The following SLC8A3 variants were observed in gnomAD, a reference collection of about 807,000 sequenced individuals.
SLC8A3 encodes sodium/calcium exchanger 3.
A neutral mutation model predicts 65.4 loss-of-function variants in SLC8A3; 37 were observed. That is an observed-to-expected ratio of 0.57 (90% CI 0.44 to 0.74). The LOEUF is 0.74. Ranked by LOEUF, SLC8A3 falls within the 30% of genes least tolerant of loss-of-function variation. The pLI, the probability that SLC8A3 is intolerant of heterozygous loss-of-function variation, is 0.00. For missense variants in SLC8A3, 1,112 were observed against 1,172.1 expected, an observed-to-expected ratio of 0.95 and a Z score of 0.75; for synonymous variants, 461 against 444.5, an observed-to-expected ratio of 1.04 and a Z score of -0.47.
At chr14:70,071,755 C>T (rs762793959) in intron 2 of SLC8A3, among the ~76,000 whole-genome samples, 1 of 152,162 alleles carries the variant, frequency 6.6e-6, no homozygotes, top group East Asian at 1.9e-4. Context: ...TTGCTTTAAG[C>T]CTCTACGTTT....
intron 2 of SLC8A3, 150 bp downstream of exon 2, chr14:70,166,489 G>T: frequency 1.7e-6 from 1 of 593,826 alleles, no homozygotes. Context: ...CCTGTCCAGT[G>T]GTGTCTGCTG....
chr14:70,130,406 G>A (rs529267280), intron 2 of SLC8A3, among the ~76,000 whole-genome samples: 19 of 152,318 alleles, frequency 1.2e-4, no homozygotes, highest in African/African-American at 2.2e-4. Context: ...GTGCATGCAC[G>A]TGTGTGTGCA....
intron 2 of SLC8A3, chr14:70,080,247 C>G: frequency 1.0e-6 from 1 of 985,172 alleles, no homozygotes; most frequent in Non-Finnish European, 1.2e-6. Flanking sequence ...TTTTTTTATA[C>G]CACTGTGTTG....
At chr14:70,110,901 C>T (rs1041467054) in intron 2 of SLC8A3, among the ~76,000 whole-genome samples, 3 of 151,666 alleles carry the variant, frequency 2.0e-5, no homozygotes, top group African/African-American at 4.8e-5. Context: ...AAGATGGTCT[C>T]GATCTCCTGA....
At chr14:70,086,121 G>A (rs1211160783) in intron 2 of SLC8A3, among the ~76,000 whole-genome samples, 1 of 152,116 alleles carries the variant, frequency 6.6e-6, no homozygotes, top group Non-Finnish European at 1.5e-5. Flanking sequence ...AGCATTTATT[G>A]AGTGTTCTTT....
At chr14:70,130,867 A>T (rs968292747) in intron 2 of SLC8A3, among the ~76,000 whole-genome samples, 3 of 152,262 alleles carry the variant, frequency 2.0e-5, no homozygotes, top group Non-Finnish European at 4.4e-5. Context: ...AGTAAGAGCC[A>T]CTGGCATGCC....
At chr14:70,055,790 T>A (rs1476170418) in intron 3 of SLC8A3, 3 of 1,609,502 alleles carry the variant, frequency 1.9e-6, no homozygotes, top group South Asian at 2.2e-5. Flanking sequence ...ACAAGACACC[T>A]CTTACCTGGA....
chr14:70,148,329 C>A (rs900612961), intron 2 of SLC8A3, among the ~76,000 whole-genome samples: 1 of 152,144 alleles, frequency 6.6e-6, no homozygotes, highest in Admixed American at 6.5e-5. Context: ...CAGGATGTAA[C>A]CCCATCATAG....
At chr14:70,139,012 T>C (rs987244569) in intron 2 of SLC8A3, among the ~76,000 whole-genome samples, 5 of 152,186 alleles carry the variant, frequency 3.3e-5, no homozygotes, top group Non-Finnish European at 1.5e-5. Flanking sequence ...TGTCCCAATG[T>C]TGGCAATTGG....
chr14:70,093,364 G>A (rs1236561949), intron 2 of SLC8A3, among the ~76,000 whole-genome samples: 1 of 152,204 alleles, frequency 6.6e-6, no homozygotes, highest in Non-Finnish European at 1.5e-5. Context: ...GTGGGAGACA[G>A]AACAGCTGAG....
intron 2 of SLC8A3, among the ~76,000 whole-genome samples, chr14:70,122,517 T>C (rs961589629): frequency 1.3e-5 from 2 of 152,166 alleles, no homozygotes; most frequent in African/African-American, 4.8e-5. Flanking sequence ...ACTAAAACTC[T>C]ATGACTCAGT....
Position 70,175,737 on chromosome 14 carries a change from C to CTT in SLC8A3, c.-62-7255_-62-7254dup, listed in dbSNP as rs537283424. Among the ~76,000 whole-genome samples, 29 of 126,786 alleles carry CTT rather than the reference C, an allele frequency of 2.3e-4. 1 individual carries two copies. Among genetic ancestry groups the CTT allele is most frequent in the African/African-American group, 7.0e-4 (24 of 34,216 alleles). 83.2% of individuals were successfully genotyped at this position (126,786 alleles called of 152,430 possible). A position where few individuals can be genotyped will look rare whatever the true frequency, so the allele number is the denominator to read the frequency against. On this transcript the variant is annotated intron_variant, in intron 1 of 6. Transcript: ENST00000356921. ...TCAATATAGGGAAGCTTTTTTTTTT[C>CTT]TTTTTTTTTTTTTTTGAGAGGCAGT...
At chr14:70,111,165 G>A (rs919369642) in intron 2 of SLC8A3, among the ~76,000 whole-genome samples, 7 of 152,122 alleles carry the variant, frequency 4.6e-5, no homozygotes, top group East Asian at 1.9e-4. Flanking sequence ...TCACACCCTC[G>A]TCAGCATTCA....
chr14:70,047,089 C>T (rs1399850290), intron 6 of SLC8A3: 1 of 152,194 alleles, frequency 6.6e-6, no homozygotes, highest in African/African-American at 2.4e-5. Context: ...CCTTTCCATA[C>T]CTTCAACTAT....
At chr14:70,165,876 T>A (rs942549222) in intron 2 of SLC8A3, among the ~76,000 whole-genome samples, 5 of 152,184 alleles carry the variant, frequency 3.3e-5, no homozygotes, top group Admixed American at 2.6e-4. Flanking sequence ...CCACAATTCC[T>A]AGGATGTTTC....
At chr14:70,178,423 T>A (rs1041790547) in intron 1 of SLC8A3, among the ~76,000 whole-genome samples, 1 of 152,180 alleles carries the variant, frequency 6.6e-6, no homozygotes, top group Non-Finnish European at 1.5e-5. Context: ...AGCAAAGGGT[T>A]TGGGGACTTA....
chr14:70,051,902 C>G, intron 4 of SLC8A3, 88 bp downstream of exon 4: 1 of 1,071,398 alleles, frequency 9.3e-7, no homozygotes, highest in Non-Finnish European at 1.4e-6. Flanking sequence ...CACATATTCA[C>G]TAGTGAAAGT....
intron 1 of SLC8A3, among the ~76,000 whole-genome samples, chr14:70,176,087 C>T (rs1326328976): frequency 6.6e-6 from 1 of 152,194 alleles, no homozygotes; most frequent in African/African-American, 2.4e-5. Flanking sequence ...CCTCTGATAA[C>T]CCTCTCTACC....
chr14:70,140,606 C>A (rs889839298), intron 2 of SLC8A3, among the ~76,000 whole-genome samples: 1 of 152,176 alleles, frequency 6.6e-6, no homozygotes, highest in Non-Finnish European at 1.5e-5. Context: ...TCACTTTCCT[C>A]CTCTGTAAAA....
Sources: allele counts gnomAD v4.1 joint callset (sites outside exome capture counted in the v4.1 genomes callset), GRCh38; gene constraint gnomAD v4.1.1; transcripts MANE v1.5; gene names NCBI Gene and HGNC (gene_info 2026-07-23, HGNC 2026-07-21).